EPB41L4B: variants seen among roughly 807,000 people sequenced by gnomAD.
EPB41L4B encodes the protein band 4.1-like protein 4B.
EPB41L4B carries 30 observed loss-of-function variants against 112.5 expected under a neutral mutation model. That is an observed-to-expected ratio of 0.27 (90% CI 0.20 to 0.36). The LOEUF (loss-of-function observed/expected upper bound fraction) is 0.36, where lower values mean the gene tolerates loss of function less well. Ranked by LOEUF, EPB41L4B falls within the 10% of genes least tolerant of loss-of-function variation. The pLI, the probability that EPB41L4B is intolerant of heterozygous loss-of-function variation, is 1.00. For missense variants in EPB41L4B, 1,024 were observed against 1,133.3 expected, an observed-to-expected ratio of 0.90 and a Z score of 1.38; for synonymous variants, 408 against 439.7, an observed-to-expected ratio of 0.93 and a Z score of 0.90.
In EPB41L4B at chr9:109,207,720, T is replaced by C. The variant is rs188268973; in HGVS notation, c.1878+204A>G. Among the ~76,000 whole-genome samples, 228 of 152,274 alleles carry C rather than the reference T, an allele frequency of 1.5e-3. 1 individual carries two copies. The highest frequency in any genetic ancestry group is 5.1e-3 in the African/African-American group (212 of 41,556). On this transcript the variant is annotated intron_variant, in intron 18 of 25. Coordinates refer to ENST00000374566, the MANE Select transcript of EPB41L4B (RefSeq NM_019114.5). ...ACATTTGAGAACTGCTGCCTTCAAG[T>C]TCTCTTTTCACCCTTTCATGTACCT...
At chr9:109,276,937 C>T (rs971923463) in intron 2 of EPB41L4B, among the ~76,000 whole-genome samples, 1 of 152,178 alleles carries the variant, frequency 6.6e-6, no homozygotes, top group African/African-American at 2.4e-5. Context: ...AATGACTGAA[C>T]ATTAGAAGTG....
At chr9:109,315,784 A>C (rs1188184904) in intron 1 of EPB41L4B, among the ~76,000 whole-genome samples, 1 of 152,130 alleles carries the variant, frequency 6.6e-6, no homozygotes, top group Non-Finnish European at 1.5e-5. Context: ...CTAAAATTCT[A>C]AAAACCTGGA....
At chr9:109,193,352 C>T (rs1205733420) in intron 21 of EPB41L4B, among the ~76,000 whole-genome samples, 1 of 152,234 alleles carries the variant, frequency 6.6e-6, no homozygotes, top group African/African-American at 2.4e-5. Flanking sequence ...GCTGCAAAAG[C>T]CTCAGGCATC....
chr9:109,247,156 G>A (rs1196683676), intron 14 of EPB41L4B, among the ~76,000 whole-genome samples: 4 of 150,350 alleles, frequency 2.7e-5, no homozygotes, highest in Admixed American at 6.6e-5. Flanking sequence ...GTACACCACC[G>A]TGCCAGCTCA....
chr9:109,190,884 G>T (rs1486982783), intron 22 of EPB41L4B, among the ~76,000 whole-genome samples: 1 of 152,146 alleles, frequency 6.6e-6, no homozygotes, highest in African/African-American at 2.4e-5. Context: ...CAGGCACGGG[G>T]GTCACCCTTG....
intron 1 of EPB41L4B, among the ~76,000 whole-genome samples, chr9:109,301,876 G>A (rs1161113844): frequency 6.6e-6 from 1 of 152,190 alleles, no homozygotes; most frequent in Non-Finnish European, 1.5e-5. Context: ...GTACCCCAGC[G>A]TGGGAGACTG....
chr9:109,303,977 G>T (rs1006703567), intron 1 of EPB41L4B, among the ~76,000 whole-genome samples: 2 of 152,086 alleles, frequency 1.3e-5, no homozygotes, highest in African/African-American at 2.4e-5. Flanking sequence ...ACCAAAAAAA[G>T]AAAATTAAAA....
chr9:109,176,040 T>TCACA (rs762279356), intron 25 of EPB41L4B, among the ~76,000 whole-genome samples: 20 of 43,480 alleles, frequency 4.6e-4, no homozygotes, highest in East Asian at 2.6e-3. Flanking sequence ...CTTGTCAATA[T>TCACA]CACACACACG....
intron 21 of EPB41L4B, 130 bp downstream of exon 21, chr9:109,194,090 G>T: frequency 1.1e-6 from 1 of 950,740 alleles, no homozygotes; most frequent in Non-Finnish European, 1.5e-6. Flanking sequence ...TCTGGTTGTT[G>T]CTGTTGTTTT....
rs753107879 is a variant in EPB41L4B at position 109,256,269 on chromosome 9, C to T, written c.841-45G>A. 21 of 1,589,092 alleles carry T rather than the reference C, an allele frequency of 1.3e-5. No individual in the cohort carries two copies. In the Admixed American group the frequency reaches 1.7e-4, roughly 13 times the overall value. ...CAATCGGTAGAGGGTTCTAACAGGT[C>T]GTCACACAGCAGAATGCAAAATGCA... On this transcript the variant is annotated intron_variant, in intron 8 of 25. Coordinates refer to ENST00000374566, the MANE Select transcript of EPB41L4B (RefSeq NM_019114.5).
rs144457572 is a variant in EPB41L4B at position 109,179,960 on chromosome 9, A to G, written c.2487+2769T>C. 2.9e-3 allele frequency among the ~76,000 whole-genome samples: 445 copies of G among 152,228 alleles called. 3 individuals carry two copies. The highest frequency in any genetic ancestry group is 0.01 in the African/African-American group (424 of 41,558). On this transcript the variant is annotated intron_variant, in intron 24 of 25. Coordinates refer to ENST00000374566, the MANE Select transcript of EPB41L4B (RefSeq NM_019114.5). The stretch of plus-strand genomic sequence containing the variant: ...CCCTTCCAAGTGCATCTGCCCTGTC[A>G]CTGCCCTGCTCAAAGTCCCTCAAAG...
At chr9:109,248,979 A>T (rs577706523) in intron 13 of EPB41L4B, among the ~76,000 whole-genome samples, 12 of 151,474 alleles carry the variant, frequency 7.9e-5, no homozygotes, top group South Asian at 4.2e-4. Flanking sequence ...GAACGGCGTG[A>T]ACCCGGGAGG....
intron 2 of EPB41L4B, among the ~76,000 whole-genome samples, chr9:109,270,673 T>A (rs1384146954): frequency 6.6e-6 from 1 of 152,238 alleles, no homozygotes; most frequent in African/African-American, 2.4e-5. Flanking sequence ...GGCTTGTCAC[T>A]TAAAGGAGCT....
intron 1 of EPB41L4B, among the ~76,000 whole-genome samples, chr9:109,297,921 C>T (rs1041214789): frequency 1.3e-5 from 2 of 152,194 alleles, no homozygotes; most frequent in African/African-American, 4.8e-5. Flanking sequence ...TTAACCCTGT[C>T]TATGGTGAGC....
chr9:109,276,325 G>A (rs956575718), intron 2 of EPB41L4B, among the ~76,000 whole-genome samples: 2 of 151,822 alleles, frequency 1.3e-5, no homozygotes, highest in Admixed American at 6.6e-5. Context: ...GGGGTCATCT[G>A]AGATGGTCTT....
chr9:109,217,232 A>G (rs1833408054), intron 15 of EPB41L4B, 87 bp from the exon 16 acceptor site: 4 of 1,134,590 alleles, frequency 3.5e-6, no homozygotes, highest in Non-Finnish European at 5.3e-6. Flanking sequence ...TCTAGGCATT[A>G]AACACTGAAA....
At chr9:109,278,692 G>A (rs1040471114) in intron 2 of EPB41L4B, among the ~76,000 whole-genome samples, 7 of 151,830 alleles carry the variant, frequency 4.6e-5, no homozygotes, top group Middle Eastern at 3.2e-3. Flanking sequence ...CCCTTTCCTC[G>A]CCTTTATTTT....
chr9:109,243,718 C>T (rs754253560), intron 14 of EPB41L4B, 36 bp from the exon 15 acceptor site: 5 of 1,601,340 alleles, frequency 3.1e-6, no homozygotes, highest in African/African-American at 1.3e-5. Context: ...TATTTGATGA[C>T]CTTTTAATTT....
chr9:109,225,934 C>G (rs181960342), intron 15 of EPB41L4B, among the ~76,000 whole-genome samples: 3 of 152,272 alleles, frequency 2.0e-5, no homozygotes, highest in African/African-American at 7.2e-5. Flanking sequence ...GAACTTCCAG[C>G]TTTTATTTTT....
Sources: allele counts gnomAD v4.1 joint callset (sites outside exome capture counted in the v4.1 genomes callset), GRCh38; gene constraint gnomAD v4.1.1; transcripts MANE v1.5; gene names NCBI Gene and HGNC (gene_info 2026-07-23, HGNC 2026-07-21).